Variants in CCDC171 observed in about 807,000 individuals in gnomAD.
CCDC171 encodes the protein coiled-coil domain containing 171, also known as coiled-coil domain-containing protein 171.
In CCDC171, 177 loss-of-function variants were observed where a neutral mutation model predicts 168.2. That is an observed-to-expected ratio of 1.05 (90% CI 0.93 to 1.19). CCDC171 has a LOEUF of 1.19. CCDC171 is among the 50% of genes most tolerant of loss of function. The pLI is 0.00. For synonymous variants in CCDC171, 687 were observed against 540.8 expected (o/e 1.27, Z -3.75); for missense variants, 1,991 against 1,539.0 (o/e 1.29, Z -4.91).
At chr9:16,021,038 G>A (rs543230293) in intron 4 of CCDC171, among the ~76,000 whole-genome samples, 21 of 152,278 alleles carry the variant, frequency 1.4e-4, no homozygotes, top group African/African-American at 4.8e-4. Flanking sequence ...ATTGTTATAT[G>A]CTTTTTGCTA....
chr9:15,577,710 A>G (rs1412150670), intron 3 of CCDC171, among the ~76,000 whole-genome samples: 1 of 152,216 alleles, frequency 6.6e-6, no homozygotes. Flanking sequence ...AAAGACAACT[A>G]GAGGAGATTA....
At chr9:15,590,814 T>TTTC (rs1354946191) in intron 4 of CCDC171, among the ~76,000 whole-genome samples, 1 of 150,218 alleles carries the variant, frequency 6.7e-6, no homozygotes, top group African/African-American at 2.5e-5. Context: ...TCTTTCTTTC[T>TTTC]TTCTTTCTTT....
chr9:15,647,791 G>C (rs1247442441), intron 7 of CCDC171, among the ~76,000 whole-genome samples: 1 of 152,126 alleles, frequency 6.6e-6, no homozygotes, highest in East Asian at 1.9e-4. Context: ...AGGACCAGAC[G>C]ATTCACAGCC....
chr9:15,592,156 GA>G lies in CCDC171; in HGVS notation c.543+614del, dbSNP rs34449158. Among the ~76,000 whole-genome samples the G allele has an allele frequency of 5.5e-3, 772 of 140,510 alleles. 8 individuals carry two copies. Among genetic ancestry groups the G allele is most frequent in the Non-Finnish European group, 3.8e-3 (244 of 63,638 alleles). The allele number at this position is 140,510 out of a possible 152,430, so 92.2% of individuals were successfully genotyped here. On this transcript the variant is annotated intron_variant, in intron 5 of 25. Coordinates refer to ENST00000380701, the MANE Select transcript of CCDC171 (RefSeq NM_173550.4). The stretch of plus-strand genomic sequence containing the variant: ...TTTTTTTTGAAGTAACAGTTTAAAT[GA>G]AAAAAAAAAAAAATTACATGACAAA...
chr9:15,705,586 C>T (rs930206436), intron 11 of CCDC171, among the ~76,000 whole-genome samples: 3 of 152,202 alleles, frequency 2.0e-5, no homozygotes, highest in South Asian at 4.1e-4. Flanking sequence ...TTCCTTCGGC[C>T]TGTGCTCAGA....
intron 21 of CCDC171, among the ~76,000 whole-genome samples, chr9:15,819,984 A>C (rs1416892685): frequency 8.5e-6 from 1 of 117,018 alleles, no homozygotes; most frequent in Non-Finnish European, 1.9e-5. Flanking sequence ...AATTATAACA[A>C]ACTGTGTCTC....
At chr9:15,695,427 C>T in intron 11 of CCDC171, 90 bp downstream of exon 11, 1 of 866,386 alleles carries the variant, frequency 1.2e-6, no homozygotes, top group Non-Finnish European at 2.0e-6. Flanking sequence ...CTTGTAGTCC[C>T]TCATCTCAAC....
At chr9:15,897,547 A>G (rs1211456446) in intron 24 of CCDC171, among the ~76,000 whole-genome samples, 2 of 152,122 alleles carry the variant, frequency 1.3e-5, no homozygotes, top group African/African-American at 4.8e-5. Flanking sequence ...TTTATTTGAA[A>G]TATTTATTTA....
At chr9:15,661,206 G>A (rs1156618444) in intron 8 of CCDC171, among the ~76,000 whole-genome samples, 1 of 151,894 alleles carries the variant, frequency 6.6e-6, no homozygotes, top group South Asian at 2.1e-4. Flanking sequence ...CGTGAACCAA[G>A]GAGGTGGAGG....
At chr9:15,560,839 G>C (rs2039238613) in intron 1 of CCDC171, among the ~76,000 whole-genome samples, 1 of 126,728 alleles carries the variant, frequency 7.9e-6, no homozygotes, top group Non-Finnish European at 1.7e-5. Context: ...CAGCTTTTCT[G>C]CTCTGGTTTC....
In CCDC171 at chr9:15,626,526, G is replaced by A. The variant is rs566054779; in HGVS notation, c.822+3113G>A. Reference sequence around the variant, plus strand: ...TTATTGAGAGTTTTTAGCATAAAGGGCTGTAGAATTTTGTCAAAGGCCTTT... The same window carrying A: ...TTATTGAGAGTTTTTAGCATAAAGGACTGTAGAATTTTGTCAAAGGCCTTT... On this transcript the variant is annotated intron_variant, in intron 7 of 25. Transcript: ENST00000380701. Among the ~76,000 whole-genome samples, 21 of 152,224 alleles carry A rather than the reference G, an allele frequency of 1.4e-4. No individual in the cohort carries two copies. In the South Asian group the frequency reaches 2.5e-3, roughly 18 times the overall value.
chr9:15,945,066 T>C (rs1245249002), intron 25 of CCDC171, among the ~76,000 whole-genome samples: 1 of 151,402 alleles, frequency 6.6e-6, no homozygotes, highest in East Asian at 2.0e-4. Flanking sequence ...AGTGTGATGT[T>C]CCCCTTCCTG....
upstream of CCDC171, among the ~76,000 whole-genome samples, chr9:16,039,706 G>T (rs912174160): frequency 6.6e-6 from 1 of 152,120 alleles, no homozygotes; most frequent in Non-Finnish European, 1.5e-5. Context: ...ACTTTAAAAA[G>T]ATGTGACCCA....
At chr9:15,644,504 T>A (rs2046881890) in intron 7 of CCDC171, among the ~76,000 whole-genome samples, 1 of 152,164 alleles carries the variant, frequency 6.6e-6, no homozygotes, top group East Asian at 1.9e-4. Flanking sequence ...TAAGGGAAGC[T>A]GTGACAGATG....
the CCDC171 span, among the ~76,000 whole-genome samples, chr9:16,086,390 C>A: frequency 2.6e-5 from 4 of 151,632 alleles, no homozygotes; most frequent in African/African-American, 9.7e-5. Flanking sequence ...TCACTGCAAC[C>A]TCTACCTCTT....
chr9:15,565,547 A>G (rs1257905490), intron 2 of CCDC171, among the ~76,000 whole-genome samples: 1 of 152,206 alleles, frequency 6.6e-6, no homozygotes, highest in Non-Finnish European at 1.5e-5. Flanking sequence ...GTTATTTAAA[A>G]TCTGCTACTA....
intron 7 of CCDC171, among the ~76,000 whole-genome samples, chr9:15,627,613 C>A (rs545932596): frequency 6.6e-6 from 1 of 152,070 alleles, no homozygotes; most frequent in African/African-American, 2.4e-5. Flanking sequence ...TCAGTTTCCA[C>A]GTAGTTGAGT....
chr9:15,651,004 C>T (rs1438851545), intron 7 of CCDC171, among the ~76,000 whole-genome samples: 1 of 152,108 alleles, frequency 6.6e-6, no homozygotes, highest in African/African-American at 2.4e-5. Context: ...TCTTCCCTGC[C>T]ACCCACACCC....
chr9:15,623,475 G>GCGCGCGCGCGCACGCA, intron 7 of CCDC171, 62 bp downstream of exon 7: 1 of 311,464 alleles, frequency 3.2e-6, no homozygotes, highest in Non-Finnish European at 5.9e-6. Context: ...GCGCGCGCGC[G>GCGCGCGCGCGCACGCA]CACACACACA....
Sources: gnomAD v4.1 joint callset for allele counts (sites outside exome capture counted in the v4.1 genomes callset) on GRCh38, gnomAD v4.1.1 for gene constraint, MANE v1.5 for transcripts, NCBI Gene and HGNC (gene_info 2026-07-23, HGNC 2026-07-21) for gene names.